The following SH3RF3 variants were observed in gnomAD, a reference collection of about 807,000 sequenced individuals.
SH3RF3 encodes E3 ubiquitin-protein ligase SH3RF3.
Under a neutral mutation model 66.3 loss-of-function variants are expected in SH3RF3, and 29 were observed. That is an observed-to-expected ratio of 0.44 (90% CI 0.33 to 0.60). The LOEUF (loss-of-function observed/expected upper bound fraction) is 0.60, where lower values mean the gene tolerates loss of function less well. Ranked by LOEUF, SH3RF3 falls within the 20% of genes least tolerant of loss-of-function variation. SH3RF3 has a pLI of 0.04. For synonymous variants in SH3RF3, 583 were observed against 532.0 expected, an observed-to-expected ratio of 1.10 and a Z score of -1.32; for missense variants, 1,194 against 1,190.9, an observed-to-expected ratio of 1.00 and a Z score of -0.04.
At chr2:109,436,779 A>G in intron 6 of SH3RF3, 114 bp from the exon 7 acceptor site, 1 of 1,441,878 alleles carries the variant, frequency 6.9e-7, no homozygotes, top group Non-Finnish European at 9.3e-7. Context: ...TCCCCAGATC[A>G]GTTGGCCTTC....
intron 3 of SH3RF3, among the ~76,000 whole-genome samples, chr2:109,389,536 A>T (rs1675923626): frequency 6.6e-6 from 1 of 152,178 alleles, no homozygotes; most frequent in South Asian, 2.1e-4. Context: ...GCCGGTCAGG[A>T]CCCAATCAAT....
chr2:109,402,314 A>C (rs1320748379), intron 4 of SH3RF3, among the ~76,000 whole-genome samples: 1 of 152,260 alleles, frequency 6.6e-6, no homozygotes, highest in African/African-American at 2.4e-5. Flanking sequence ...ACAGTGCTGC[A>C]GGGATTCTCT....
chr2:109,441,149 C>A, intron 7 of SH3RF3, among the ~76,000 whole-genome samples: 1 of 103,512 alleles, frequency 9.7e-6, no homozygotes, highest in Admixed American at 8.7e-5. Context: ...AAAAAAAATT[C>A]CAGCTCTCAA....
intron 3 of SH3RF3, among the ~76,000 whole-genome samples, chr2:109,392,080 T>C (rs937036152): frequency 6.6e-6 from 1 of 152,108 alleles, no homozygotes; most frequent in Non-Finnish European, 1.5e-5. Context: ...CCTCCCAAAG[T>C]GTTGAGTTTA....
intron 8 of SH3RF3, among the ~76,000 whole-genome samples, chr2:109,467,871 C>A (rs1573276577): frequency 6.6e-6 from 1 of 152,112 alleles, no homozygotes; most frequent in Non-Finnish European, 1.5e-5. Flanking sequence ...TCATTCACAT[C>A]CCTCACAGAC....
At chr2:109,483,423 G>A (rs989603182) in intron 8 of SH3RF3, among the ~76,000 whole-genome samples, 1 of 152,080 alleles carries the variant, frequency 6.6e-6, no homozygotes, top group Non-Finnish European at 1.5e-5. Context: ...GTATGCTCTC[G>A]GTGCCCAGCA....
At chr2:109,414,681 C>T (rs934294490) in intron 4 of SH3RF3, among the ~76,000 whole-genome samples, 1 of 152,182 alleles carries the variant, frequency 6.6e-6, no homozygotes, top group African/African-American at 2.4e-5. Context: ...GCATTACCAG[C>T]ACCCTCATCA....
At chr2:109,195,077 C>T (rs1558951086) in intron 1 of SH3RF3, among the ~76,000 whole-genome samples, 1 of 152,110 alleles carries the variant, frequency 6.6e-6, no homozygotes, top group Non-Finnish European at 1.5e-5. Context: ...TACCCTGGTT[C>T]TTTGACTGAA....
chr2:109,331,359 C>T (rs7605376), intron 1 of SH3RF3, among the ~76,000 whole-genome samples: 55,983 of 151,898 alleles, frequency 0.37, 11,880 homozygotes, highest in Non-Finnish European at 0.48. Context: ...CTGCCTCCCT[C>T]CTCTCCCCTT....
chr2:109,215,549 C>A (rs1679085627), intron 1 of SH3RF3, among the ~76,000 whole-genome samples: 1 of 152,106 alleles, frequency 6.6e-6, no homozygotes, highest in African/African-American at 2.4e-5. Context: ...GGGTTCCTCT[C>A]GGGAGAGCCC....
intron 8 of SH3RF3, among the ~76,000 whole-genome samples, chr2:109,468,926 T>C (rs963825564): frequency 6.6e-6 from 1 of 150,588 alleles, no homozygotes; most frequent in Admixed American, 6.6e-5. Context: ...CCTCTACGGC[T>C]TTGATACTGG....
At chr2:109,138,791 G>A (rs549846475) in intron 1 of SH3RF3, among the ~76,000 whole-genome samples, 25 of 152,208 alleles carry the variant, frequency 1.6e-4, no homozygotes, top group Non-Finnish European at 2.5e-4. Flanking sequence ...GGCCCAGAAC[G>A]AGTGATGTTA....
intron 1 of SH3RF3, among the ~76,000 whole-genome samples, chr2:109,204,805 C>T (rs1678770930): frequency 6.6e-6 from 1 of 152,106 alleles, no homozygotes; most frequent in Non-Finnish European, 1.5e-5. Context: ...TTGATGGTGC[C>T]ATTGAACTTG....
intron 1 of SH3RF3, among the ~76,000 whole-genome samples, chr2:109,159,694 A>C (rs913704083): frequency 6.6e-6 from 1 of 152,142 alleles, no homozygotes; most frequent in African/African-American, 2.4e-5. Flanking sequence ...CTGTATTTAC[A>C]TCAGCTCCCA....
intron 5 of SH3RF3, among the ~76,000 whole-genome samples, chr2:109,424,671 T>C (rs996972494): frequency 6.6e-6 from 1 of 152,232 alleles, no homozygotes; most frequent in Admixed American, 6.5e-5. Context: ...TGGAGTTGTT[T>C]TGGGCACCAT....
intron 4 of SH3RF3, among the ~76,000 whole-genome samples, chr2:109,419,260 CG>C (rs1676806761): frequency 6.6e-6 from 1 of 152,182 alleles, no homozygotes; most frequent in African/African-American, 2.4e-5. Flanking sequence ...GTCTGGAACA[CG>C]GCCTGACTAC....
intron 8 of SH3RF3, among the ~76,000 whole-genome samples, chr2:109,474,685 C>A (rs1341146340): frequency 6.6e-6 from 1 of 152,238 alleles, no homozygotes; most frequent in African/African-American, 2.4e-5. Context: ...CAGCCCCTTA[C>A]TTTTCTCCAA....
intron 1 of SH3RF3, among the ~76,000 whole-genome samples, chr2:109,203,195 C>T (rs1574502253): frequency 6.6e-6 from 1 of 152,160 alleles, no homozygotes; most frequent in African/African-American, 2.4e-5. Context: ...GCCTTGCCCG[C>T]AAGAAGGACC....
intron 1 of SH3RF3, among the ~76,000 whole-genome samples, chr2:109,132,668 C>A (rs796753617): frequency 6.6e-6 from 1 of 152,194 alleles, no homozygotes; most frequent in Non-Finnish European, 1.5e-5. Context: ...ATATGTGTTA[C>A]TTCTTGAAGT....
Sources: allele counts gnomAD v4.1 joint callset (sites outside exome capture counted in the v4.1 genomes callset), GRCh38; gene constraint gnomAD v4.1.1; transcripts MANE v1.5; gene names NCBI Gene and HGNC (gene_info 2026-07-23, HGNC 2026-07-21).